ARID4A: variants seen among roughly 807,000 people sequenced by gnomAD.
ARID4A encodes AT-rich interaction domain 4A.
ARID4A carries 39 observed loss-of-function variants against 148.6 expected under a neutral mutation model. The ratio of observed to expected loss-of-function variants is 0.26; its 90% CI spans 0.20 to 0.34. ARID4A has a LOEUF of 0.34. ARID4A is among the 10% of genes least tolerant of loss of function. The pLI is 1.00. For synonymous variants in ARID4A, 475 were observed against 481.2 expected (o/e 0.99, Z 0.17); for missense variants, 1,265 against 1,449.1 (o/e 0.87, Z 2.06).
chr14:58,320,226 G>A (rs2032780150), intron 7 of ARID4A, among the ~76,000 whole-genome samples: 1 of 151,944 alleles, frequency 6.6e-6, no homozygotes, highest in Non-Finnish European at 1.5e-5. Context: ...GATTACAGGC[G>A]TGAGCCACCA....
chr14:58,299,917 G>A, intron 2 of ARID4A, 57 bp downstream of exon 2: 2 of 1,608,628 alleles, frequency 1.2e-6, no homozygotes, highest in Non-Finnish European at 1.7e-6. Flanking sequence ...CAATCCTAAG[G>A]CTAGTGCCGT....
chr14:58,299,347 G>A, intron 1 of ARID4A: 1 of 155,538 alleles, frequency 6.4e-6, no homozygotes, highest in Non-Finnish European at 1.4e-5. Flanking sequence ...GTGACACTCC[G>A]CTGCCGCCAC....
intron 5 of ARID4A, among the ~76,000 whole-genome samples, chr14:58,307,738 T>C (rs1193882467): frequency 2.0e-5 from 3 of 152,178 alleles, no homozygotes; most frequent in Non-Finnish European, 4.4e-5. Context: ...GAGAATCGCT[T>C]GAATCTGGGA....
chr14:58,339,682 C>T (rs550301215), intron 11 of ARID4A, among the ~76,000 whole-genome samples: 4 of 152,070 alleles, frequency 2.6e-5, no homozygotes, highest in South Asian at 2.1e-4. Flanking sequence ...TCTGTTCTCA[C>T]GTTGTCATAA....
intron 2 of ARID4A, 150 bp downstream of exon 2, chr14:58,300,010 A>G (rs2031004956): frequency 1.8e-6 from 2 of 1,117,850 alleles, no homozygotes; most frequent in Middle Eastern, 2.0e-4. Context: ...TGAATGGGTG[A>G]AAAATGATCT....
chr14:58,313,933 C>T (rs1192583366), intron 5 of ARID4A, among the ~76,000 whole-genome samples: 1 of 152,238 alleles, frequency 6.6e-6, no homozygotes, highest in Non-Finnish European at 1.5e-5. Flanking sequence ...ATCTTCCCCA[C>T]CTGGTTCACT....
rs574786440 is a variant in ARID4A, at chr14:58,347,563, CT to C, written c.1173-79del. On this transcript the variant is annotated intron_variant, in intron 14 of 23. Coordinates refer to ENST00000355431, the MANE Select transcript of ARID4A (RefSeq NM_002892.4). The stretch of plus-strand genomic sequence containing the variant: ...AATTTTTTTAAATTACTGGGCTTTA[CT>C]TTTTAAAAATGTGTTTAATAACATG... The C allele has an allele frequency of 1.2e-5, 14 of 1,130,648 alleles. No homozygotes were observed. The South Asian group carries it at 2.5e-4, about 20-fold the overall frequency. 70.0% of individuals were successfully genotyped at this position (1,130,648 alleles called of 1,614,324 possible). A position where few individuals can be genotyped will look rare whatever the true frequency, so the allele number is the denominator to read the frequency against.
At chr14:58,327,186 T>C (rs2033262841) in intron 8 of ARID4A, among the ~76,000 whole-genome samples, 1 of 152,232 alleles carries the variant, frequency 6.6e-6, no homozygotes, top group Admixed American at 6.5e-5. Flanking sequence ...ACCAGCCACA[T>C]TTCAAGTGTT....
chr14:58,312,372 A>G (rs920836470), intron 5 of ARID4A, among the ~76,000 whole-genome samples: 2 of 151,792 alleles, frequency 1.3e-5, no homozygotes, highest in African/African-American at 4.8e-5. Context: ...ATATACCATC[A>G]CCCTGGCTAA....
At chr14:58,318,036 T>C (rs2032586720) in intron 5 of ARID4A, among the ~76,000 whole-genome samples, 1 of 152,152 alleles carries the variant, frequency 6.6e-6, no homozygotes, top group African/African-American at 2.4e-5. Flanking sequence ...AAAGAACTTG[T>C]ATCTTATGAC....
intron 5 of ARID4A, among the ~76,000 whole-genome samples, chr14:58,307,448 TGGTTCACAGTGGTG>T (rs1282348054): frequency 1.3e-5 from 2 of 152,260 alleles, no homozygotes; most frequent in Non-Finnish European, 1.5e-5. Flanking sequence ...AATTTAGTGT[TGGTTCACAGTGGTG>T]CTATTATTCT....
At position 58,332,000 on chromosome 14, in the gene ARID4A, C is replaced by A. The variant is rs1382385449; in HGVS notation, c.906+1831C>A. Among the ~76,000 whole-genome samples, 40 of 145,072 alleles carry A rather than the reference C, an allele frequency of 2.8e-4. 1 individual carries two copies. The highest frequency in any genetic ancestry group is 5.5e-4 in the Admixed American group (8 of 14,462). On this transcript the variant is annotated intron_variant, in intron 11 of 23. Transcript: ENST00000355431. ...TTCCAGAATGCATTTTCCCTACCCC[C>A]CCCCCCCCAAAAAACCCTGAAATTT...
chr14:58,317,304 G>A (rs1317529131), intron 5 of ARID4A, among the ~76,000 whole-genome samples: 1 of 140,450 alleles, frequency 7.1e-6, no homozygotes, highest in African/African-American at 2.7e-5. Context: ...TTTTTTTTTG[G>A]GACGGAGTCT....
At chr14:58,357,568 T>G (rs2034936484) in intron 17 of ARID4A, among the ~76,000 whole-genome samples, 1 of 151,874 alleles carries the variant, frequency 6.6e-6, no homozygotes, top group Non-Finnish European at 1.5e-5. Flanking sequence ...CCAACACAAA[T>G]TCATAAACTT....
intron 7 of ARID4A, 46 bp downstream of exon 7, chr14:58,318,851 A>G: frequency 1.1e-5 from 17 of 1,480,480 alleles, no homozygotes; most frequent in Non-Finnish European, 1.5e-5. Flanking sequence ...AATTATTATA[A>G]CCTTAAACAA....
At chr14:58,319,658 C>T (rs2032724853) in intron 7 of ARID4A, among the ~76,000 whole-genome samples, 1 of 145,514 alleles carries the variant, frequency 6.9e-6, no homozygotes, top group Admixed American at 7.0e-5. Flanking sequence ...GATTCTCCTG[C>T]CTCAGCCTCC....
intron 10 of ARID4A, 42 bp from the exon 11 acceptor site, chr14:58,329,961 G>A (rs1338831343): frequency 2.5e-6 from 4 of 1,571,872 alleles, no homozygotes; most frequent in South Asian, 1.2e-5. Flanking sequence ...GTTCTATGCT[G>A]CCAATTCCAT....
At chr14:58,348,377 G>A (rs958976338) in intron 15 of ARID4A, among the ~76,000 whole-genome samples, 2 of 152,140 alleles carry the variant, frequency 1.3e-5, no homozygotes, top group Admixed American at 1.3e-4. Context: ...ATAGTGCCTG[G>A]CACATAATAA....
At chr14:58,316,201 CTTT>C (rs1439364674) in intron 5 of ARID4A, among the ~76,000 whole-genome samples, 2 of 152,092 alleles carry the variant, frequency 1.3e-5, no homozygotes, top group African/African-American at 4.8e-5. Flanking sequence ...TGTAGAATTT[CTTT>C]TTGTTAACAC....
Sources: allele counts gnomAD v4.1 joint callset (sites outside exome capture counted in the v4.1 genomes callset), GRCh38; gene constraint gnomAD v4.1.1; transcripts MANE v1.5; gene names NCBI Gene and HGNC (gene_info 2026-07-23, HGNC 2026-07-21).